Variants in TMEM265 observed in about 807,000 individuals in gnomAD.
The protein encoded by TMEM265 is transmembrane protein 265.
In TMEM265, 8 loss-of-function variants were observed where a neutral mutation model predicts 9.5. The observed-to-expected ratio is 0.84, with a 90% CI of 0.49 to 1.52. The LOEUF (loss-of-function observed/expected upper bound fraction) is 1.52, where lower values mean the gene tolerates loss of function less well. TMEM265 is among the 40% of genes most tolerant of loss of function. The probability of loss-of-function intolerance (pLI) is 0.00; values close to 1 mark genes in which losing one functional copy is unlikely to be tolerated. For synonymous variants in TMEM265, 53 were observed against 56.9 expected (o/e 0.93, Z 0.31); for missense variants, 152 against 146.2 (o/e 1.04, Z -0.21).
chr16:30,744,059 C>CGA lies in TMEM265; in HGVS notation c.*116_*117insGA. 8.1e-7 allele frequency: 1 copy of CGA among 1,234,056 alleles called. No homozygotes were observed. The highest frequency in any genetic ancestry group is 1.1e-6 in the Non-Finnish European group (1 of 910,272). 76.4% of individuals were successfully genotyped at this position (1,234,056 alleles called of 1,614,324 possible). On this transcript the variant is annotated 3_prime_UTR_variant, in exon 3 of 3. Transcript: ENST00000615541. ...GATCCTGGTTGGAAGGATGGGGACTCTCTCAAGGGGCTTTGGAAGAGCTCT... is the reference window on the plus strand; with the variant it reads ...GATCCTGGTTGGAAGGATGGGGACTCGATCTCAAGGGGCTTTGGAAGAGCTCT...
At position 30,741,782 on chromosome 16, in the gene TMEM265, C is replaced by T. The variant is rs1283254906; in HGVS notation, c.39C>T (p.Asn13=). 1.3e-6 allele frequency: 2 copies of T among 1,533,718 alleles called. No homozygotes were observed. ...AGAAGGCAGTGGAGATCTTGGGCAA[C>T]ACGGAAGCTGCTCATCCTCCATCCC... ...DEEKAVEILG[N]TEAAHPPSPI... Residue 13 remains asparagine (N), a synonymous_variant, in exon 2 of 3, where the codon AAC becomes AAT. Transcript: ENST00000615541.
Position 30,744,030 on chromosome 16 carries a change from G to A in TMEM265, c.*87G>A. 7.0e-7 allele frequency: 1 copy of A among 1,424,206 alleles called. No homozygotes were observed. The highest frequency in any genetic ancestry group is 9.3e-7 in the Non-Finnish European group (1 of 1,072,796). The allele number at this position is 1,424,206 out of a possible 1,614,324, so 88.2% of individuals were successfully genotyped here. On this transcript the variant is annotated 3_prime_UTR_variant, in exon 3 of 3. Transcript: ENST00000615541. ...TAAGGTCCTGTGACAGCAGTGGTTG[G>A]AAGGATCCTGGTTGGAAGGATGGGG...
intron 2 of TMEM265, among the ~76,000 whole-genome samples, chr16:30,743,475 GT>G (rs2053237341): frequency 6.6e-6 from 1 of 152,202 alleles, no homozygotes; most frequent in South Asian, 2.1e-4. Flanking sequence ...TAGCCTCACT[GT>G]TTCTTGCCAA....
chr16:30,741,971 TCTATCTACATTGAC>T (rs2053229406), intron 2 of TMEM265, 63 bp downstream of exon 2: 7 of 1,467,152 alleles, frequency 4.8e-6, no homozygotes, highest in Non-Finnish European at 4.6e-6. Flanking sequence ...ATGTATCTGA[TCTATCTACATTGAC>T]CAGTCACTGA....
chr16:30,744,820 C>A lies in TMEM265; in HGVS notation c.*877C>A, dbSNP rs1040060476. On this transcript the variant is annotated 3_prime_UTR_variant, in exon 3 of 3. Coordinates refer to ENST00000615541, the MANE Select transcript of TMEM265 (RefSeq NM_001256829.2). ...GAGTGAAAGAGTTGGGTAACAGCAA[C>A]AACCATCCTGTACATGGAGATTTGA... 1.3e-5 allele frequency: 2 copies of A among 152,208 alleles called. No homozygotes were observed. The highest frequency in any genetic ancestry group is 2.9e-5 in the Non-Finnish European group (2 of 68,030). 9.4% of individuals were successfully genotyped at this position (152,208 alleles called of 1,614,324 possible).
intron 2 of TMEM265, among the ~76,000 whole-genome samples, 173 bp downstream of exon 2, chr16:30,742,081 G>A (rs1292907957): frequency 2.0e-5 from 3 of 152,172 alleles, no homozygotes; most frequent in Non-Finnish European, 2.9e-5. Flanking sequence ...TCTAATGAAA[G>A]AGGTGACAGT....
intron 1 of TMEM265, 101 bp from the exon 2 acceptor site, chr16:30,741,640 T>G: frequency 7.7e-7 from 1 of 1,298,106 alleles, no homozygotes; most frequent in Non-Finnish European, 1.0e-6. Context: ...AGTGCCAGGC[T>G]AGGCCATGAG....
intron 2 of TMEM265, 112 bp from the exon 3 acceptor site, chr16:30,743,670 G>A (rs2151303221): frequency 1.6e-6 from 2 of 1,272,840 alleles, no homozygotes; most frequent in Non-Finnish European, 2.1e-6. Context: ...GGGAGGTAGA[G>A]GGTTTGGATG....
At chr16:30,743,327 A>T (rs2053236390) in intron 2 of TMEM265, among the ~76,000 whole-genome samples, 1 of 151,656 alleles carries the variant, frequency 6.6e-6, no homozygotes. Context: ...AGGAGGTTGC[A>T]GTGAGATTGC....
At chr16:30,742,867 A>C (rs1009417566) in intron 2 of TMEM265, among the ~76,000 whole-genome samples, 1 of 149,688 alleles carries the variant, frequency 6.7e-6, no homozygotes, top group Non-Finnish European at 1.5e-5. Flanking sequence ...CGGAGGTTGC[A>C]TTGAGCTGAG....
At chr16:30,741,597 C>G (rs935550357) in intron 1 of TMEM265, 144 bp from the exon 2 acceptor site, 1 of 851,210 alleles carries the variant, frequency 1.2e-6, no homozygotes, top group African/African-American at 1.7e-5. Context: ...CTGTGAGTCA[C>G]TAGAGGAATT....
rs2053228744 is a variant in TMEM265, at chr16:30,741,874, G to A, written c.131G>A (p.Cys44Tyr). 2 of 1,533,840 alleles carry A rather than the reference G, an allele frequency of 1.3e-6. No homozygotes were observed. The highest frequency in any genetic ancestry group is 2.4e-5 in the South Asian group (2 of 83,968). The stretch of plus-strand genomic sequence containing the variant: ...ACTAGCATTATCTGTGGCTGCTCTT[G>A]CCTGGGAGTCATGGCTCTGGTGTTT... ...AATSIICGCS[C>Y]LGVMALVFAI... Residue 44 changes from cysteine (C) to tyrosine (Y), a missense_variant, in exon 2 of 3, where the codon TGC becomes TAC. Cys to Tyr is a radical substitution (Grantham distance 194, BLOSUM62 -2). Coordinates refer to ENST00000615541, the MANE Select transcript of TMEM265 (RefSeq NM_001256829.2).
chr16:30,742,901 G>C (rs1220862837), intron 2 of TMEM265, among the ~76,000 whole-genome samples: 3 of 142,904 alleles, frequency 2.1e-5, no homozygotes, highest in Non-Finnish European at 1.5e-5. Flanking sequence ...ACTCCAGCCT[G>C]GTGACAAAGC....
intron 2 of TMEM265, 56 bp downstream of exon 2, chr16:30,741,964 T>C: frequency 2.0e-6 from 3 of 1,482,748 alleles, no homozygotes; most frequent in Non-Finnish European, 1.8e-6. Context: ...TGGTTTCATG[T>C]ATCTGATCTA....
chr16:30,743,623 A>G (rs2151303200), intron 2 of TMEM265, among the ~76,000 whole-genome samples, 159 bp from the exon 3 acceptor site: 1 of 152,248 alleles, frequency 6.6e-6, no homozygotes, highest in South Asian at 2.1e-4. Context: ...TGGGTACCTT[A>G]TTTTGCAGAT....
rs1452006321 is a variant in TMEM265, at chr16:30,741,881, A to T, written c.138A>T (p.Gly46=). 11 of 1,533,902 alleles carry T rather than the reference A, an allele frequency of 7.2e-6. No individual in the cohort carries two copies. In the East Asian group the frequency reaches 2.2e-4, roughly 31 times the overall value. The change falls in exon 2 of 3, where the codon GGA becomes GGT. Residue 46 remains glycine (G), a synonymous_variant. Transcript: ENST00000615541. ...TTATCTGTGGCTGCTCTTGCCTGGGAGTCATGGCTCTGGTGTTTGCCATCA... is the reference window on the plus strand; with the variant it reads ...TTATCTGTGGCTGCTCTTGCCTGGGTGTCATGGCTCTGGTGTTTGCCATCA... ...TSIICGCSCL[G]VMALVFAIKA...
intron 1 of TMEM265, chr16:30,741,020 TTAAG>T (rs1376373000): frequency 2.6e-5 from 4 of 152,312 alleles, no homozygotes; most frequent in Middle Eastern, 3.4e-3. Flanking sequence ...CAAGAAATGA[TTAAG>T]TAGGGCATCA....
Position 30,743,832 on chromosome 16 carries a change from G to A in TMEM265, c.216G>A (p.Gly72=). The change falls in exon 3 of 3, where the codon GGG becomes GGA. Residue 72 remains glycine (G), a synonymous_variant. Coordinates refer to ENST00000615541, the MANE Select transcript of TMEM265 (RefSeq NM_001256829.2). ...GGTCCGAGGAGGCAGTGCGCTGGGG[G>A]GCCCGGGCCCGGAAACTCATCCTGG... ...AGRSEEAVRW[G]ARARKLILAS... 3 of 1,533,852 alleles carry A rather than the reference G, an allele frequency of 2.0e-6. No individual in the cohort carries two copies. The highest frequency in any genetic ancestry group is 1.7e-6 in the Non-Finnish European group (2 of 1,146,680).
chr16:30,742,795 G>A (rs1221888020), intron 2 of TMEM265, among the ~76,000 whole-genome samples: 4 of 151,130 alleles, frequency 2.6e-5, no homozygotes, highest in African/African-American at 9.8e-5. Flanking sequence ...GCGTGATGGT[G>A]CGTGCCTGTA....
Sources: allele counts gnomAD v4.1 joint callset (sites outside exome capture counted in the v4.1 genomes callset), GRCh38; gene constraint gnomAD v4.1.1; transcripts MANE v1.5; gene names NCBI Gene and HGNC (gene_info 2026-07-23, HGNC 2026-07-21).